NAB2: variants seen among roughly 807,000 people sequenced by gnomAD.
The protein encoded by NAB2 is NGFI-A binding protein 2, also known as NGFI-A-binding protein 2.
NAB2 carries 9 observed loss-of-function variants against 44.2 expected under a neutral mutation model. The observed-to-expected ratio is 0.20, with a 90% confidence interval of 0.12 to 0.36. The LOEUF is 0.36. Ranked by LOEUF, NAB2 falls within the 10% of genes least tolerant of loss-of-function variation. NAB2 has a pLI of 1.00. For synonymous variants in NAB2, 342 were observed against 291.0 expected (o/e 1.18, Z -1.78); for missense variants, 514 against 709.0 (o/e 0.73, Z 3.12).
Position 57,094,709 on chromosome 12 carries a change from C to T in NAB2, c.1566C>T (p.Ala522=). ...GCAGCGTGAAAGTGGAGGCTGAGGC[C>T]AGCCGGCAGTGAGGGTTGGACTGGT... ...RRSSVKVEAE[A]SRQ is the part of the protein sequence containing the mutation. The change falls in exon 7 of 7, where the codon GCC becomes GCT. Residue 522 remains alanine (A), a synonymous_variant. Coordinates refer to ENST00000300131, the MANE Select transcript of NAB2 (RefSeq NM_005967.4). 6.4e-7 allele frequency: 1 copy of T among 1,552,414 alleles called. No homozygotes were observed. The highest frequency in any genetic ancestry group is 8.7e-7 in the Non-Finnish European group (1 of 1,147,908).
chr12:57,092,250 A>T (rs324020), intron 2 of NAB2, 198 bp from the exon 3 acceptor site: 5 of 986,432 alleles, frequency 5.1e-6, no homozygotes, highest in Non-Finnish European at 5.8e-6. Flanking sequence ...GGAGAGGAGG[A>T]GGCCCCGGGC....
At chr12:57,093,728 C>G in intron 6 of NAB2, 130 bp downstream of exon 6, 1 of 1,005,884 alleles carries the variant, frequency 9.9e-7, no homozygotes, top group Non-Finnish European at 1.4e-6. Flanking sequence ...GATGGCTGGG[C>G]TCCAGCCAGC....
In NAB2 at chr12:57,092,828, A is replaced by ATT. The variant is rs528936501; in HGVS notation, c.1092-88_1092-87insTT. 1.0e-5 allele frequency: 16 copies of ATT among 1,526,626 alleles called. No individual in the cohort carries two copies. In the South Asian group the frequency reaches 1.7e-4, roughly 16 times the overall value. 94.6% of individuals were successfully genotyped at this position (1,526,626 alleles called of 1,614,324 possible). A position where few individuals can be genotyped will look rare whatever the true frequency, so the allele number is the denominator to read the frequency against. ...GCCAGCTTCTTGGCAAAGGTTTTAA[A>ATT]TAACACATGCCTCTGGCTGGGTTCT... On this transcript the variant is annotated intron_variant, in intron 3 of 6. Coordinates refer to ENST00000300131, the MANE Select transcript of NAB2 (RefSeq NM_005967.4).
chr12:57,094,522 C>T lies in NAB2; in HGVS notation c.1469-90C>T. 2.9e-6 allele frequency: 3 copies of T among 1,040,844 alleles called. No individual in the cohort carries two copies. The South Asian group carries it at 4.1e-5, about 14-fold the overall frequency. 64.5% of individuals were successfully genotyped at this position (1,040,844 alleles called of 1,614,324 possible). On this transcript the variant is annotated intron_variant, in intron 6 of 6. Coordinates refer to ENST00000300131, the MANE Select transcript of NAB2 (RefSeq NM_005967.4). ...TAAACCTAAACTGAGCCCATCTTCA[C>T]AGCTTTCTTTGCCCCTGCTTCTGTT...
chr12:57,092,893 C>T (rs766131080), intron 3 of NAB2, 24 bp from the exon 4 acceptor site: 3 of 1,614,076 alleles, frequency 1.9e-6, no homozygotes, highest in East Asian at 4.5e-5. Flanking sequence ...GCCTCATCCA[C>T]TTTATTCTTA....
At chr12:57,089,983 C>T (rs532777369) in intron 1 of NAB2, among the ~76,000 whole-genome samples, 4 of 152,172 alleles carry the variant, frequency 2.6e-5, no homozygotes, top group Non-Finnish European at 4.4e-5. Context: ...CGCCTACAGA[C>T]GCTACCACTG....
At position 57,091,969 on chromosome 12, in the gene NAB2, C is replaced by A; in HGVS notation, c.928C>A (p.Arg310=). Reference sequence around the variant, plus strand: ...CTATGGCCGTTTCGACTCTAAGCGGCGGGAGGGCAAGCAGCTCAGCCTGCA... The same window carrying A: ...CTATGGCCGTTTCGACTCTAAGCGGAGGGAGGGCAAGCAGCTCAGCCTGCA... ...IIYGRFDSKR[R]EGKQLSLHEL... is the part of the protein sequence containing the mutation. Residue 310 remains arginine, a synonymous_variant, in exon 2 of 7, where the codon CGG becomes AGG. Transcript: ENST00000300131. This position sits in a 1 kb window ranked among gnomAD's most constrained non-coding sequence, Gnocchi z 7.3. 6.2e-7 allele frequency: 1 copy of A among 1,611,778 alleles called. No homozygotes were observed. Among genetic ancestry groups the A allele is most frequent in the South Asian group, 1.1e-5 (1 of 90,880 alleles).
Position 57,092,909 on chromosome 12 carries a change from C to T in NAB2, c.1092-8C>T, listed in dbSNP as rs781352078. The T allele has an allele frequency of 3.1e-6, 5 of 1,614,076 alleles. No homozygotes were observed. The highest frequency in any genetic ancestry group is 1.1e-5 in the South Asian group (1 of 91,090). On this transcript the variant is annotated splice_region_variant and splice_polypyrimidine_tract_variant and intron_variant, in intron 3 of 6. Transcript: ENST00000300131. ...CCTCATCCACTTTATTCTTACCCATCTTTTCAGGCTTCACCCTGAAGAACT... is the reference window on the plus strand; with the variant it reads ...CCTCATCCACTTTATTCTTACCCATTTTTTCAGGCTTCACCCTGAAGAACT...
rs2136546272 is a variant in NAB2 at position 57,093,559 on chromosome 12, C to T, written c.1429C>T (p.Arg477Cys). ...CCTCGTCTCCCACGACCGCGTGGGC[C>T]GCCTCAGCCCCTGTGTGCCTGCGAA... ...ARLVSHDRVG[R>C]LSPCVPAKPP... Residue 477 changes from arginine (R) to cysteine (C), a missense_variant, in exon 6 of 7, where the codon CGC becomes TGC. Coordinates refer to ENST00000300131, the MANE Select transcript of NAB2 (RefSeq NM_005967.4). 2 of 1,541,298 alleles carry T rather than the reference C, an allele frequency of 1.3e-6. No individual in the cohort carries two copies. The highest frequency in any genetic ancestry group is 2.4e-5 in the East Asian group (1 of 40,918).
Position 57,095,231 on chromosome 12 carries a change from T to C in NAB2, c.*510T>C, listed in dbSNP as rs1050437095. 5 of 155,040 alleles carry C rather than the reference T, an allele frequency of 3.2e-5. No homozygotes were observed. The highest frequency in any genetic ancestry group is 1.2e-4 in the African/African-American group (5 of 41,466). The allele number at this position is 155,040 out of a possible 1,614,324, so 9.6% of individuals were successfully genotyped here. ...AATTAATTTAACAAGTGCTGCAGTTTGCCCTCCCATTCCCATCTATCCCCC... is the reference window on the plus strand; with the variant it reads ...AATTAATTTAACAAGTGCTGCAGTTCGCCCTCCCATTCCCATCTATCCCCC... On this transcript the variant is annotated 3_prime_UTR_variant, in exon 7 of 7. Coordinates refer to ENST00000300131, the MANE Select transcript of NAB2 (RefSeq NM_005967.4).
intron 5 of NAB2, 49 bp downstream of exon 5, chr12:57,093,244 G>A (rs1431342234): frequency 2.0e-5 from 31 of 1,537,116 alleles, no homozygotes; most frequent in Non-Finnish European, 2.7e-5. Context: ...TGGGGGAGTA[G>A]GGGAGGGGGT....
chr12:57,093,347 G>T, intron 5 of NAB2, 60 bp from the exon 6 acceptor site: 1 of 1,478,662 alleles, frequency 6.8e-7, no homozygotes. Context: ...TGGCTATGTG[G>T]TTGAGGGTGG....
At chr12:57,092,108 A>T in intron 2 of NAB2, 110 bp downstream of exon 2, 1 of 1,454,128 alleles carries the variant, frequency 6.9e-7, no homozygotes, top group Non-Finnish European at 9.0e-7. Flanking sequence ...CTTGACCAGG[A>T]CCCCAGGCCC....
At chr12:57,089,488 A>AG in intron 1 of NAB2, 134 bp downstream of exon 1, 1 of 738,026 alleles carries the variant, frequency 1.4e-6, no homozygotes, top group Non-Finnish European at 2.1e-6. Flanking sequence ...CTGATGGAAA[A>AG]GGGGGTGCGT....
rs2136544189 is a variant in NAB2, at chr12:57,092,018, C to T, written c.957+20C>T. On this transcript the variant is annotated intron_variant, in intron 2 of 6. Transcript: ENST00000300131. ...CACGAGGTGAGAACCCCCAGGCCTC[C>T]TAGGATTGCCCTTGACTTCCAGGTC... 2 of 1,583,814 alleles carry T rather than the reference C, an allele frequency of 1.3e-6. No individual in the cohort carries two copies. Among genetic ancestry groups the T allele is most frequent in the Non-Finnish European group, 1.7e-6 (2 of 1,163,078 alleles).
intron 1 of NAB2, among the ~76,000 whole-genome samples, chr12:57,090,397 T>C (rs2033160384): frequency 1.3e-5 from 2 of 152,128 alleles, no homozygotes; most frequent in South Asian, 4.1e-4. Context: ...GGCAGGAGAA[T>C]CGCTTGAACC....
At chr12:57,089,777 A>AAGGGGGGGTGACGAGGGAGGC (rs1482697679) in intron 1 of NAB2, among the ~76,000 whole-genome samples, 3 of 138,578 alleles carry the variant, frequency 2.2e-5, no homozygotes, top group Non-Finnish European at 4.7e-5. Context: ...CAGCGGGGGA[A>AAGGGGGGGTGACGAGGGAGGC]AGGGGGGGTG....
At chr12:57,094,050 CGCTGG>C (rs1454453586) in intron 6 of NAB2, among the ~76,000 whole-genome samples, 1 of 150,794 alleles carries the variant, frequency 6.6e-6, no homozygotes, top group African/African-American at 2.4e-5. Context: ...GCCGGGCAGC[CGCTGG>C]GCTGAGAGTG....
At position 57,093,577 on chromosome 12, in the gene NAB2, C is replaced by G. The variant is rs992098461; in HGVS notation, c.1447C>G (p.Pro483Ala). ...DRVGRLSPCVPAKPPLAEFEE... is the reference protein window; with the variant it reads ...DRVGRLSPCVAAKPPLAEFEE... ...CGTGGGCCGCCTCAGCCCCTGTGTG[C>G]CTGCGAAGCCACCTCTCGCAGGTGA... The change falls in exon 6 of 7, where the codon CCT (proline) becomes GCT (alanine). Residue 483 changes from proline (P) to alanine (A), a missense_variant. Coordinates refer to ENST00000300131, the MANE Select transcript of NAB2 (RefSeq NM_005967.4). 1 of 1,521,934 alleles carries G rather than the reference C, an allele frequency of 6.6e-7. No homozygotes were observed. 94.3% of individuals were successfully genotyped at this position (1,521,934 alleles called of 1,614,324 possible).
Sources: allele counts gnomAD v4.1 joint callset (sites outside exome capture counted in the v4.1 genomes callset), GRCh38; gene constraint gnomAD v4.1.1; non-coding constraint Gnocchi (gnomAD v3.1); transcripts MANE v1.5; gene names NCBI Gene and HGNC (gene_info 2026-07-23, HGNC 2026-07-21).